The following NR3C2 variants were observed in gnomAD, a reference collection of about 807,000 sequenced individuals.
NR3C2 encodes the protein nuclear receptor subfamily 3 group C member 2.
Under a neutral mutation model 86.4 loss-of-function variants are expected in NR3C2, and 15 were observed. That is an observed-to-expected ratio of 0.17 (90% confidence interval 0.12 to 0.27). The LOEUF is 0.27. Ranked by LOEUF, NR3C2 falls within the 10% of genes least tolerant of loss-of-function variation. The pLI, the probability that NR3C2 is intolerant of heterozygous loss-of-function variation, is 1.00. For missense variants in NR3C2, 960 were observed against 1,195.6 expected (o/e 0.80, Z 2.91); for synonymous variants, 458 against 450.5 (o/e 1.02, Z -0.21).
chr4:148,147,573 G>T (rs1188975252), intron 6 of NR3C2, among the ~76,000 whole-genome samples: 3 of 152,224 alleles, frequency 2.0e-5, no homozygotes, highest in African/African-American at 7.2e-5. Context: ...CTTCAGTGAG[G>T]TATGCCAGTG....
intron 6 of NR3C2, among the ~76,000 whole-genome samples, chr4:148,133,718 A>G (rs1220486689): frequency 1.3e-5 from 2 of 152,138 alleles, no homozygotes; most frequent in African/African-American, 4.8e-5. Context: ...GGTGTAGAGA[A>G]GGACGTTTAC....
chr4:148,322,947 G>T (rs1156994568), intron 2 of NR3C2, among the ~76,000 whole-genome samples: 1 of 146,792 alleles, frequency 6.8e-6, no homozygotes, highest in Non-Finnish European at 1.5e-5. Flanking sequence ...TGGAGGAGGA[G>T]AGGCGCTCTG....
intron 2 of NR3C2, among the ~76,000 whole-genome samples, chr4:148,317,604 T>G (rs1034484967): frequency 1.3e-5 from 2 of 152,080 alleles, no homozygotes; most frequent in Non-Finnish European, 2.9e-5. Context: ...AGAATTTGTA[T>G]GATAAATGCT....
chr4:148,251,765 A>T (rs1443204057), intron 3 of NR3C2, among the ~76,000 whole-genome samples: 1 of 152,222 alleles, frequency 6.6e-6, no homozygotes, highest in Non-Finnish European at 1.5e-5. Flanking sequence ...GAAAAAATAG[A>T]GATTACCCAA....
intron 2 of NR3C2, among the ~76,000 whole-genome samples, chr4:148,287,301 C>A (rs933544924): frequency 6.6e-6 from 1 of 152,206 alleles, no homozygotes; most frequent in Non-Finnish European, 1.5e-5. Context: ...TGATGCTCTG[C>A]CAGACACTGT....
chr4:148,246,978 C>T (rs1339746552), intron 3 of NR3C2, among the ~76,000 whole-genome samples: 1 of 152,076 alleles, frequency 6.6e-6, no homozygotes, highest in Non-Finnish European at 1.5e-5. Context: ...TTATTAATGC[C>T]TATTAGCATT....
chr4:148,342,488 T>C (rs1049212838), intron 2 of NR3C2, among the ~76,000 whole-genome samples: 1 of 152,192 alleles, frequency 6.6e-6, no homozygotes, highest in South Asian at 2.1e-4. Context: ...TTGTGATAGG[T>C]ATCAAGTGGC....
At chr4:148,292,465 CAT>C (rs1173676428) in intron 2 of NR3C2, among the ~76,000 whole-genome samples, 5 of 152,152 alleles carry the variant, frequency 3.3e-5, no homozygotes, top group African/African-American at 1.2e-4. Flanking sequence ...ATATATAACA[CAT>C]ATTAAAATAG....
chr4:148,320,712 T>G (rs148775671), intron 2 of NR3C2, among the ~76,000 whole-genome samples: 38 of 151,620 alleles, frequency 2.5e-4, no homozygotes, highest in African/African-American at 8.7e-4. Context: ...TCTGTGAGAT[T>G]GGTGGTGATA....
At chr4:148,256,084 T>C (rs1238569164) in intron 3 of NR3C2, among the ~76,000 whole-genome samples, 1 of 152,202 alleles carries the variant, frequency 6.6e-6, no homozygotes, top group African/African-American at 2.4e-5. Context: ...CTCAGTATTT[T>C]CTCAACTGTG....
At chr4:148,354,589 G>T (rs1512333) in intron 2 of NR3C2, among the ~76,000 whole-genome samples, 149,719 of 152,280 alleles carry the variant, frequency 0.98, 73,644 homozygotes, top group East Asian at 1. Flanking sequence ...ACACTGTTCT[G>T]CAGAACGAAT....
chr4:148,300,196 G>T (rs1426114977), intron 2 of NR3C2, among the ~76,000 whole-genome samples: 2 of 152,122 alleles, frequency 1.3e-5, no homozygotes, highest in Non-Finnish European at 2.9e-5. Context: ...GCTTTGTTTG[G>T]CCTCCACCAT....
intron 8 of NR3C2, 35 bp downstream of exon 8, chr4:148,114,069 C>T (rs1732164755): frequency 6.2e-7 from 1 of 1,610,800 alleles, no homozygotes; most frequent in Non-Finnish European, 8.5e-7. Flanking sequence ...GGTTGCTGAT[C>T]CTTCACTTAG....
chr4:148,143,008 G>GT (rs1253337769), intron 6 of NR3C2, among the ~76,000 whole-genome samples: 2 of 152,124 alleles, frequency 1.3e-5, no homozygotes, highest in Non-Finnish European at 2.9e-5. Flanking sequence ...GCAGATGCCG[G>GT]TGCTATGCCT....
chr4:148,187,800 A>G (rs1027239824), intron 4 of NR3C2, among the ~76,000 whole-genome samples: 2 of 152,186 alleles, frequency 1.3e-5, no homozygotes, highest in African/African-American at 4.8e-5. Flanking sequence ...GCCTAAGCCA[A>G]TGTCTAGAAG....
In NR3C2 at chr4:148,080,699, C is replaced by G. The variant is rs997235889; in HGVS notation, c.*645G>C. ...AGCCAACACAATAGATACTAGAAAT[C>G]AAACCAAGGCATTTAACATCATCTT... is the stretch of plus-strand genomic sequence containing the variant. On this transcript the variant is annotated 3_prime_UTR_variant, in exon 9 of 9. Transcript: ENST00000358102. 1 of 275,922 alleles carries G rather than the reference C, an allele frequency of 3.6e-6. No individual in the cohort carries two copies. The highest frequency in any genetic ancestry group is 4.0e-5 in the Admixed American group (1 of 25,114). 17.1% of individuals were successfully genotyped at this position (275,922 alleles called of 1,614,324 possible).
chr4:148,444,224 G>GT (rs1750487773), upstream of NR3C2: 3 of 955,280 alleles, frequency 3.1e-6, no homozygotes, highest in Admixed American at 1.3e-4. Flanking sequence ...AGGAATGGAC[G>GT]TGTCTCTTTT....
intron 2 of NR3C2, among the ~76,000 whole-genome samples, chr4:148,264,211 A>G (rs1740264145): frequency 6.6e-6 from 1 of 152,238 alleles, no homozygotes; most frequent in South Asian, 2.1e-4. Flanking sequence ...TTATTAACAC[A>G]AGAGACAGGT....
rs79261532 is a variant in NR3C2, at chr4:148,338,447, A to T, written c.1758-78330T>A. Among the ~76,000 whole-genome samples the T allele has an allele frequency of 7.2e-3, 1,100 of 152,330 alleles. 14 individuals are homozygous for T. Among genetic ancestry groups the T allele is most frequent in the African/African-American group, 0.024 (1,011 of 41,576 alleles). On this transcript the variant is annotated intron_variant, in intron 2 of 8. Coordinates refer to ENST00000358102, the MANE Select transcript of NR3C2 (RefSeq NM_000901.5). The stretch of plus-strand genomic sequence containing the variant: ...GTTTTATTTTTAAATAGTAGAGATG[A>T]TGAAATCTTACTATGCACTTCATTT...
Sources: allele counts gnomAD v4.1 joint callset (sites outside exome capture counted in the v4.1 genomes callset), GRCh38; gene constraint gnomAD v4.1.1; transcripts MANE v1.5; gene names NCBI Gene and HGNC (gene_info 2026-07-23, HGNC 2026-07-21).